TAOK3: variants seen among roughly 807,000 people sequenced by gnomAD.
TAOK3 encodes TAO kinase 3, also known as serine/threonine-protein kinase TAO3.
TAOK3 carries 40 observed loss-of-function variants against 120.4 expected under a neutral mutation model. That is an observed-to-expected ratio of 0.33 (90% CI 0.26 to 0.43). TAOK3 has a LOEUF of 0.43. TAOK3 is among the 20% of genes least tolerant of loss of function. TAOK3 has a pLI of 1.00. For synonymous variants in TAOK3, 355 were observed against 387.5 expected (o/e 0.92, Z 0.99); for missense variants, 821 against 1,112.1 (o/e 0.74, Z 3.72).
chr12:118,247,420 G>GA (rs2140061168), intron 3 of TAOK3, among the ~76,000 whole-genome samples: 1 of 152,000 alleles, frequency 6.6e-6, no homozygotes, highest in Non-Finnish European at 1.5e-5. Context: ...AAGTACATAT[G>GA]AAAACCATTA....
At chr12:118,180,155 C>T (rs538338467) in intron 15 of TAOK3, among the ~76,000 whole-genome samples, 1 of 151,596 alleles carries the variant, frequency 6.6e-6, no homozygotes, top group South Asian at 2.1e-4. Context: ...ACCATGTTGG[C>T]CAGGCTGGTC....
chr12:118,287,798 G>C (rs1018979774), intron 1 of TAOK3, among the ~76,000 whole-genome samples: 4 of 151,988 alleles, frequency 2.6e-5, no homozygotes, highest in African/African-American at 9.7e-5. Flanking sequence ...AAAATTCCCA[G>C]CATTCTTAAT....
intron 1 of TAOK3, among the ~76,000 whole-genome samples, chr12:118,339,354 G>C (rs938383154): frequency 6.7e-5 from 9 of 134,374 alleles, no homozygotes; most frequent in African/African-American, 2.6e-4. Context: ...GCGCGATCTC[G>C]GCTCACCGCA....
At chr12:118,215,524 A>G (rs986793856) in intron 9 of TAOK3, among the ~76,000 whole-genome samples, 3 of 151,700 alleles carry the variant, frequency 2.0e-5, no homozygotes, top group Non-Finnish European at 4.4e-5. Context: ...AAGAACAACA[A>G]CAACAACAAA....
chr12:118,181,909 G>A (rs1235049077), intron 14 of TAOK3, among the ~76,000 whole-genome samples: 2 of 152,204 alleles, frequency 1.3e-5, no homozygotes, highest in Non-Finnish European at 2.9e-5. Flanking sequence ...TTCAGGCCGG[G>A]CACGATGGCT....
At chr12:118,201,071 C>T in intron 12 of TAOK3, 1 of 381,518 alleles carries the variant, frequency 2.6e-6, no homozygotes, top group Admixed American at 4.0e-5. Flanking sequence ...CTTATTTTCT[C>T]CCCATGATGG....
chr12:118,157,199 T>TCC (rs2138298928), intron 19 of TAOK3, among the ~76,000 whole-genome samples: 1 of 152,152 alleles, frequency 6.6e-6, no homozygotes, highest in Non-Finnish European at 1.5e-5. Flanking sequence ...TGGCTACCAC[T>TCC]CCCTCATACC....
intron 2 of TAOK3, among the ~76,000 whole-genome samples, chr12:118,265,767 A>C (rs927805940): frequency 5.3e-5 from 8 of 152,188 alleles, no homozygotes; most frequent in Non-Finnish European, 7.3e-5. Flanking sequence ...CAAAAGAGGC[A>C]AGGCATAATT....
chr12:118,307,053 T>C (rs2140790050), intron 1 of TAOK3, among the ~76,000 whole-genome samples: 1 of 152,272 alleles, frequency 6.6e-6, no homozygotes, highest in Admixed American at 6.5e-5. Flanking sequence ...TCAAAAAACA[T>C]CAGTAATTAT....
chr12:118,249,008 A>G (rs1405962248), intron 3 of TAOK3, among the ~76,000 whole-genome samples: 1 of 152,184 alleles, frequency 6.6e-6, no homozygotes, highest in Non-Finnish European at 1.5e-5. Context: ...GTACAGAAAA[A>G]GGAGAGTATC....
intron 13 of TAOK3, among the ~76,000 whole-genome samples, chr12:118,197,499 C>G (rs954792505): frequency 6.6e-6 from 1 of 151,994 alleles, no homozygotes; most frequent in African/African-American, 2.4e-5. Flanking sequence ...GTTGATTATG[C>G]CAGTAGTGTC....
chr12:118,280,635 C>T (rs933797643), intron 1 of TAOK3, among the ~76,000 whole-genome samples: 10 of 152,158 alleles, frequency 6.6e-5, no homozygotes, highest in Admixed American at 6.6e-5. Flanking sequence ...TAATGTGATG[C>T]TTCTAGTTTT....
At position 118,255,478 on chromosome 12, in the gene TAOK3, A is replaced by G. The variant is rs773750634; in HGVS notation, c.90T>C (p.Ile30=). The G allele has an allele frequency of 1.9e-6, 3 of 1,614,148 alleles. No individual in the cohort carries two copies. The highest frequency in any genetic ancestry group is 1.7e-5 in the Admixed American group (1 of 60,008). ...PEELFIGLHE[I]GHGSFGAVYF... is the part of the protein sequence containing the mutation. The stretch of plus-strand genomic sequence containing the variant: ...AAACTGCTCCAAAACTTCCATGTCC[A>G]ATTTCATGCAAACCAATAAAAAGTT... Residue 30 remains isoleucine (I), a synonymous_variant, in exon 3 of 21, where the codon ATT becomes ATC. Coordinates refer to ENST00000392533, the MANE Select transcript of TAOK3 (RefSeq NM_016281.4).
chr12:118,354,171 A>G (rs1318123753), intron 1 of TAOK3, among the ~76,000 whole-genome samples: 1 of 152,214 alleles, frequency 6.6e-6, no homozygotes, highest in Admixed American at 6.5e-5. Flanking sequence ...GGAACTCTAT[A>G]TATACTATTT....
intron 7 of TAOK3, among the ~76,000 whole-genome samples, chr12:118,237,106 T>C (rs1565993649): frequency 6.6e-6 from 1 of 152,214 alleles, no homozygotes; most frequent in Non-Finnish European, 1.5e-5. Flanking sequence ...TTTATTAACA[T>C]GATTAGGTTC....
chr12:118,226,818 G>A (rs61945186), intron 9 of TAOK3, among the ~76,000 whole-genome samples: 1 of 152,138 alleles, frequency 6.6e-6, no homozygotes, highest in Admixed American at 6.6e-5. Flanking sequence ...ATTTTTATAA[G>A]AAGGTAAAAT....
chr12:118,263,959 G>C (rs1406951895), intron 2 of TAOK3, among the ~76,000 whole-genome samples: 2 of 152,152 alleles, frequency 1.3e-5, no homozygotes, highest in South Asian at 4.1e-4. Flanking sequence ...CCAGCTACTC[G>C]GGAGGCTGAG....
intron 1 of TAOK3, among the ~76,000 whole-genome samples, chr12:118,319,352 G>A (rs563468653): frequency 6.6e-6 from 1 of 152,030 alleles, no homozygotes; most frequent in Non-Finnish European, 1.5e-5. Flanking sequence ...TGTATCAAAG[G>A]ACGCTATCAA....
chr12:118,180,247 CTT>C (rs1370191676), intron 15 of TAOK3, among the ~76,000 whole-genome samples: 2 of 137,272 alleles, frequency 1.5e-5, no homozygotes. Flanking sequence ...TGTGCCTGGC[CTT>C]TTTTTTTTTG....
Sources: allele counts gnomAD v4.1 joint callset (sites outside exome capture counted in the v4.1 genomes callset), GRCh38; gene constraint gnomAD v4.1.1; transcripts MANE v1.5; gene names NCBI Gene and HGNC (gene_info 2026-07-23, HGNC 2026-07-21).